ROR1: variants seen among roughly 807,000 people sequenced by gnomAD.
ROR1 encodes inactive tyrosine-protein kinase transmembrane receptor ROR1.
A neutral mutation model predicts 78.8 loss-of-function variants in ROR1; 19 were observed. That is an observed-to-expected ratio of 0.24 (90% CI 0.17 to 0.35). ROR1 has a LOEUF of 0.35. Among genes scored for constraint, ROR1 ranks in the 10% least tolerant of loss-of-function variants. The pLI is 1.00. For synonymous variants in ROR1, 386 were observed against 433.6 expected (o/e 0.89, Z 1.36); for missense variants, 917 against 1,177.8 (o/e 0.78, Z 3.24).
intron 4 of ROR1, among the ~76,000 whole-genome samples, chr1:64,083,399 C>T (rs1647119930): frequency 6.6e-6 from 1 of 151,932 alleles, no homozygotes; most frequent in East Asian, 1.9e-4. Flanking sequence ...GCCAAGTTTA[C>T]AGGAATGAAA....
At chr1:64,082,786 T>C (rs767096894) in intron 4 of ROR1, among the ~76,000 whole-genome samples, 1 of 152,206 alleles carries the variant, frequency 6.6e-6, no homozygotes, top group Non-Finnish European at 1.5e-5. Context: ...TCCCATTCAA[T>C]CTCCCTTCTT....
chr1:63,842,097 C>T (rs1645052919), intron 1 of ROR1, among the ~76,000 whole-genome samples: 1 of 152,178 alleles, frequency 6.6e-6, no homozygotes, highest in African/African-American at 2.4e-5. Flanking sequence ...AACCTTCAAA[C>T]AAACAAACAA....
chr1:64,046,715 A>G (rs779226914), intron 2 of ROR1, among the ~76,000 whole-genome samples: 1 of 152,180 alleles, frequency 6.6e-6, no homozygotes, highest in Non-Finnish European at 1.5e-5. Flanking sequence ...CCAACTCTCC[A>G]TGGGTCTCAT....
rs1361008068 is a variant in ROR1, at chr1:63,864,189, AG to A, written c.91+89682del. Among the ~76,000 whole-genome samples, 46 of 152,238 alleles carry A rather than the reference AG, an allele frequency of 3.0e-4. 1 individual carries two copies. Among genetic ancestry groups the A allele is most frequent in the Admixed American group, 3.0e-3 (46 of 15,282 alleles). Reference sequence around the variant, plus strand: ...AAGTAAAACTTATTCAAGATTACACAGCTATTAAGAGATGGAGGCAGGATTC... The same window carrying A: ...AAGTAAAACTTATTCAAGATTACACACTATTAAGAGATGGAGGCAGGATTC... On this transcript the variant is annotated intron_variant, in intron 1 of 8. Coordinates refer to ENST00000371079, the MANE Select transcript of ROR1 (RefSeq NM_005012.4).
At chr1:63,957,746 T>G (rs572540504) in intron 1 of ROR1, among the ~76,000 whole-genome samples, 2 of 124,374 alleles carry the variant, frequency 1.6e-5, no homozygotes, top group South Asian at 4.7e-4. Context: ...TTGTTTTTTG[T>G]TTTTTTTTTT....
chr1:64,076,548 G>A (rs1276729515), intron 4 of ROR1, among the ~76,000 whole-genome samples: 2 of 152,020 alleles, frequency 1.3e-5, no homozygotes, highest in Admixed American at 1.3e-4. Context: ...TTGGCATGCA[G>A]CCATTTGTGC....
intron 1 of ROR1, among the ~76,000 whole-genome samples, chr1:63,823,742 C>A (rs1039655175): frequency 1.3e-5 from 2 of 151,996 alleles, no homozygotes; most frequent in Non-Finnish European, 2.9e-5. Context: ...CATGAGCCCC[C>A]ACACCCAGTC....
At chr1:64,169,487 A>G (rs913631459) in intron 8 of ROR1, among the ~76,000 whole-genome samples, 9 of 152,140 alleles carry the variant, frequency 5.9e-5, no homozygotes, top group African/African-American at 2.2e-4. Context: ...ACCTGCCCCC[A>G]TGATTCAATA....
chr1:63,867,630 G>C (rs913937619), intron 1 of ROR1, among the ~76,000 whole-genome samples: 4 of 152,224 alleles, frequency 2.6e-5, no homozygotes, highest in African/African-American at 9.6e-5. Flanking sequence ...GGGGTAACGA[G>C]GTGGTTCACT....
At chr1:64,059,138 A>G (rs1646896994) in intron 4 of ROR1, among the ~76,000 whole-genome samples, 1 of 152,082 alleles carries the variant, frequency 6.6e-6, no homozygotes, top group African/African-American at 2.4e-5. Context: ...TTTCTGTAAC[A>G]TCATTAATGA....
At chr1:64,129,772 G>A (rs1483627505) in intron 4 of ROR1, among the ~76,000 whole-genome samples, 1 of 152,138 alleles carries the variant, frequency 6.6e-6, no homozygotes, top group African/African-American at 2.4e-5. Flanking sequence ...GTTTAAATAG[G>A]AATAAAATAT....
intron 8 of ROR1, among the ~76,000 whole-genome samples, chr1:64,163,222 AACACAC>A (rs57880828): frequency 0.14 from 18,776 of 137,460 alleles, 1,371 homozygotes; most frequent in African/African-American, 0.21. Context: ...CATCTCTACA[AACACAC>A]ACACACACAC....
At chr1:63,850,849 C>A (rs761300270) in intron 1 of ROR1, among the ~76,000 whole-genome samples, 1 of 152,156 alleles carries the variant, frequency 6.6e-6, no homozygotes, top group Non-Finnish European at 1.5e-5. Flanking sequence ...GTTGGGGGTG[C>A]ATAGCAGGAG....
intron 8 of ROR1, among the ~76,000 whole-genome samples, chr1:64,168,912 C>A (rs1650161999): frequency 6.6e-6 from 1 of 152,206 alleles, no homozygotes; most frequent in African/African-American, 2.4e-5. Flanking sequence ...CAAAGTGAGG[C>A]CTCTAGGCCA....
intron 4 of ROR1, among the ~76,000 whole-genome samples, chr1:64,132,593 C>G (rs137867502): frequency 6.6e-6 from 1 of 151,738 alleles, no homozygotes; most frequent in Non-Finnish European, 1.5e-5. Flanking sequence ...AACCCTGTCT[C>G]TACTAAAAAT....
chr1:63,798,820 A>C (rs1003088742), intron 1 of ROR1, among the ~76,000 whole-genome samples: 1 of 151,954 alleles, frequency 6.6e-6, no homozygotes, highest in Non-Finnish European at 1.5e-5. Context: ...GGCAACTGAG[A>C]CTCAGAAACG....
chr1:64,037,429 AG>A (rs373322728), intron 2 of ROR1, among the ~76,000 whole-genome samples: 2 of 152,192 alleles, frequency 1.3e-5, no homozygotes, highest in African/African-American at 4.8e-5. Context: ...CCCGAGCTGC[AG>A]TTACTCACAG....
intron 1 of ROR1, among the ~76,000 whole-genome samples, chr1:63,917,598 A>G (rs1177404417): frequency 6.6e-6 from 1 of 152,220 alleles, no homozygotes; most frequent in Admixed American, 6.5e-5. Flanking sequence ...GCAAAATTAT[A>G]AAAAATTAAA....
intron 1 of ROR1, among the ~76,000 whole-genome samples, chr1:63,955,317 T>G (rs192824600): frequency 1.3e-5 from 2 of 152,312 alleles, no homozygotes; most frequent in East Asian, 3.9e-4. Context: ...AGTTTGCTAA[T>G]ATAAGCATAA....
Sources: allele counts gnomAD v4.1 joint callset (sites outside exome capture counted in the v4.1 genomes callset), GRCh38; gene constraint gnomAD v4.1.1; transcripts MANE v1.5; gene names NCBI Gene and HGNC (gene_info 2026-07-23, HGNC 2026-07-21).